The following PARD3 variants were observed in gnomAD, a reference collection of about 807,000 sequenced individuals.
PARD3 encodes the protein partitioning defective 3 homolog.
Under a neutral mutation model 155.4 loss-of-function variants are expected in PARD3, and 75 were observed. That is an observed-to-expected ratio of 0.48 (90% CI 0.40 to 0.58). PARD3 has a LOEUF of 0.58. Ranked by LOEUF, PARD3 falls within the 20% of genes least tolerant of loss-of-function variation. The probability of loss-of-function intolerance (pLI) is 0.00; values close to 1 mark genes in which losing one functional copy is unlikely to be tolerated. For synonymous variants in PARD3, 576 were observed against 610.5 expected, an observed-to-expected ratio of 0.94 and a Z score of 0.83; for missense variants, 1,642 against 1,721.7, an observed-to-expected ratio of 0.95 and a Z score of 0.82.
intron 2 of PARD3, among the ~76,000 whole-genome samples, chr10:34,647,156 G>A (rs540727460): frequency 5.3e-5 from 8 of 152,146 alleles, no homozygotes; most frequent in East Asian, 3.9e-4. Context: ...CCAGAATCAC[G>A]TTTTGAAGAT....
chr10:34,396,903 C>A (rs890512435), intron 7 of PARD3, among the ~76,000 whole-genome samples: 1 of 152,130 alleles, frequency 6.6e-6, no homozygotes, highest in Admixed American at 6.6e-5. Flanking sequence ...AATCATCTTC[C>A]GCAACAAGCC....
intron 1 of PARD3, among the ~76,000 whole-genome samples, chr10:34,797,414 C>T (rs529824835): frequency 6.6e-6 from 1 of 152,144 alleles, no homozygotes; most frequent in East Asian, 1.9e-4. Flanking sequence ...AGTCTCCCAA[C>T]GTGCTGGAAT....
At chr10:34,448,134 C>CCT (rs142220985) in intron 5 of PARD3, among the ~76,000 whole-genome samples, 1 of 147,042 alleles carries the variant, frequency 6.8e-6, no homozygotes, top group African/African-American at 2.6e-5. Context: ...ATATACACTG[C>CCT]GTGTGTGTGT....
chr10:34,764,554 G>C (rs1377543608), intron 1 of PARD3, among the ~76,000 whole-genome samples: 1 of 152,096 alleles, frequency 6.6e-6, no homozygotes, highest in African/African-American at 2.4e-5. Context: ...AACAAGACCG[G>C]CCATGTGTCT....
chr10:34,507,887 C>T (rs954358308), intron 3 of PARD3, among the ~76,000 whole-genome samples: 1 of 152,082 alleles, frequency 6.6e-6, no homozygotes, highest in African/African-American at 2.4e-5. Context: ...ATTTGTATGC[C>T]ATGCTCCACT....
At chr10:34,718,288 A>G (rs2133702970) in intron 1 of PARD3, among the ~76,000 whole-genome samples, 1 of 152,290 alleles carries the variant, frequency 6.6e-6, no homozygotes, top group Non-Finnish European at 1.5e-5. Flanking sequence ...AACACTAAAG[A>G]CAAAGAACGC....
At chr10:34,505,513 C>T (rs1028667723) in intron 3 of PARD3, among the ~76,000 whole-genome samples, 3 of 152,094 alleles carry the variant, frequency 2.0e-5, no homozygotes, top group African/African-American at 7.2e-5. Flanking sequence ...GGTCTAATTT[C>T]AAAGGCAAAT....
intron 5 of PARD3, among the ~76,000 whole-genome samples, chr10:34,441,105 T>C (rs926532704): frequency 6.6e-6 from 1 of 152,096 alleles, no homozygotes; most frequent in African/African-American, 2.4e-5. Context: ...GAAATGACGA[T>C]GGGGGCATTA....
intron 5 of PARD3, among the ~76,000 whole-genome samples, chr10:34,435,485 T>C (rs1049707072): frequency 5.3e-5 from 8 of 152,278 alleles, no homozygotes; most frequent in South Asian, 4.1e-4. Context: ...AGAATACAAA[T>C]TGCCAACAAC....
intron 22 of PARD3, among the ~76,000 whole-genome samples, chr10:34,247,209 A>G (rs909749812): frequency 6.6e-6 from 1 of 152,208 alleles, no homozygotes; most frequent in Non-Finnish European, 1.5e-5. Flanking sequence ...ATCAATCAAT[A>G]GAAACAGACA....
At chr10:34,736,904 T>C (rs2094926261) in intron 1 of PARD3, among the ~76,000 whole-genome samples, 1 of 152,062 alleles carries the variant, frequency 6.6e-6, no homozygotes, top group Non-Finnish European at 1.5e-5. Flanking sequence ...CTTGAACTCC[T>C]GACCTCAAGT....
intron 5 of PARD3, among the ~76,000 whole-genome samples, chr10:34,421,052 A>C (rs917674615): frequency 6.6e-6 from 1 of 152,104 alleles, no homozygotes; most frequent in South Asian, 2.1e-4. Context: ...GTGTGCACCC[A>C]TGGTTCCAGC....
intron 19 of PARD3, among the ~76,000 whole-genome samples, chr10:34,330,503 G>T (rs1278608355): frequency 2.0e-5 from 3 of 146,720 alleles, no homozygotes; most frequent in African/African-American, 7.5e-5. Context: ...AGCAAAAAAA[G>T]AAAAAAAAAA....
intron 2 of PARD3, among the ~76,000 whole-genome samples, chr10:34,682,850 A>G (rs559829654): frequency 1.3e-5 from 2 of 152,342 alleles, no homozygotes; most frequent in African/African-American, 4.8e-5. Context: ...AGCCTCGGTG[A>G]CAGAGCAAGG....
Position 34,380,492 on chromosome 10 carries a change from G to A in PARD3, c.1399+2048C>T, listed in dbSNP as rs141033175. 2.0e-3 allele frequency among the ~76,000 whole-genome samples: 307 copies of A among 152,112 alleles called. 1 individual carries two copies. The highest frequency in any genetic ancestry group is 7.1e-3 in the African/African-American group (293 of 41,528). On this transcript the variant is annotated intron_variant, in intron 9 of 24. Coordinates refer to ENST00000374788, the MANE Select transcript of PARD3 (RefSeq NM_001184785.2). ...ATGGTACCAGTTTTGTAAGTAAAAT[G>A]TATCAATTTGATTTATTTATCACTT...
At chr10:34,424,228 A>G (rs1305485011) in intron 5 of PARD3, among the ~76,000 whole-genome samples, 1 of 152,232 alleles carries the variant, frequency 6.6e-6, no homozygotes, top group Non-Finnish European at 1.5e-5. Context: ...ATCACCAGTC[A>G]TCATTTTCTC....
intron 5 of PARD3, among the ~76,000 whole-genome samples, chr10:34,430,427 T>A (rs1490966491): frequency 1.3e-5 from 2 of 152,340 alleles, no homozygotes; most frequent in Non-Finnish European, 2.9e-5. Flanking sequence ...TGATAGAATA[T>A]GACTATCAAA....
chr10:34,696,213 T>A (rs2094169368), intron 2 of PARD3, 105 bp downstream of exon 2: 2 of 675,464 alleles, frequency 3.0e-6, no homozygotes, highest in Non-Finnish European at 2.6e-6. Flanking sequence ...CCACACATAA[T>A]TTAAAGTATG....
chr10:34,194,397 C>G (rs1034036953), intron 22 of PARD3, among the ~76,000 whole-genome samples: 1 of 152,062 alleles, frequency 6.6e-6, no homozygotes, highest in East Asian at 1.9e-4. Flanking sequence ...CTGTGTGGCC[C>G]GAGCCGCTCT....
Sources: allele counts gnomAD v4.1 joint callset (sites outside exome capture counted in the v4.1 genomes callset), GRCh38; gene constraint gnomAD v4.1.1; transcripts MANE v1.5; gene names NCBI Gene and HGNC (gene_info 2026-07-23, HGNC 2026-07-21).